The following KIF26B variants were observed in gnomAD, a reference collection of about 807,000 sequenced individuals.
The protein encoded by KIF26B is kinesin family member 26B.
Under a neutral mutation model 151.2 loss-of-function variants are expected in KIF26B, and 63 were observed. That is an observed-to-expected ratio of 0.42 (90% confidence interval 0.34 to 0.51). The LOEUF (loss-of-function observed/expected upper bound fraction) is 0.51, where lower values mean the gene tolerates loss of function less well. Ranked by LOEUF, KIF26B falls within the 20% of genes least tolerant of loss-of-function variation. KIF26B has a pLI of 0.07. For synonymous variants in KIF26B, 1,357 were observed against 1,262.1 expected, an observed-to-expected ratio of 1.08 and a Z score of -1.59; for missense variants, 2,813 against 2,913.6, an observed-to-expected ratio of 0.97 and a Z score of 0.79.
At chr1:245,344,370 T>C (rs897728569) in intron 2 of KIF26B, among the ~76,000 whole-genome samples, 3 of 151,700 alleles carry the variant, frequency 2.0e-5, no homozygotes, top group African/African-American at 7.3e-5. Context: ...ATGTATCCTC[T>C]AGTAGTCCCA....
intron 2 of KIF26B, among the ~76,000 whole-genome samples, chr1:245,289,367 T>G (rs1225039510): frequency 2.0e-5 from 3 of 152,202 alleles, no homozygotes; most frequent in Admixed American, 6.5e-5. Flanking sequence ...ATTATTATTA[T>G]TGTGATTTTC....
chr1:245,430,745 C>A (rs1210765757), intron 4 of KIF26B, among the ~76,000 whole-genome samples: 1 of 152,132 alleles, frequency 6.6e-6, no homozygotes, highest in Admixed American at 6.6e-5. Context: ...GTTCTTGACA[C>A]ACATTTAATC....
chr1:245,259,672 C>CT (rs901298506), intron 2 of KIF26B, among the ~76,000 whole-genome samples: 22 of 152,206 alleles, frequency 1.4e-4, no homozygotes, highest in African/African-American at 4.8e-4. Context: ...TGGCTCATGC[C>CT]TGCAGTCCCA....
At position 245,229,427 on chromosome 1, in the gene KIF26B, T is replaced by C. The variant is rs78308124; in HGVS notation, c.465+72744T>C. On this transcript the variant is annotated intron_variant, in intron 2 of 14. Coordinates refer to ENST00000407071, the MANE Select transcript of KIF26B (RefSeq NM_018012.4). The stretch of plus-strand genomic sequence containing the variant: ...GGGTACCATTTCTAAAAGAGGTACA[T>C]TGTAGTTCAAACTCCTGCAGGTAAG... Among the ~76,000 whole-genome samples the C allele has an allele frequency of 4.1e-3, 627 of 152,322 alleles. 19 individuals carry two copies. The East Asian group carries it at 0.091, about 22-fold the overall frequency.
chr1:245,549,309 C>T (rs1159004049), intron 5 of KIF26B, among the ~76,000 whole-genome samples: 1 of 152,162 alleles, frequency 6.6e-6, no homozygotes, highest in Admixed American at 6.5e-5. Context: ...AGGGAATTCT[C>T]TCTGGAATAA....
At chr1:245,654,875 G>C (rs2044056453) in intron 10 of KIF26B, among the ~76,000 whole-genome samples, 1 of 152,250 alleles carries the variant, frequency 6.6e-6, no homozygotes. Flanking sequence ...AGAAAGGTAA[G>C]GAAGAGATAA....
intron 12 of KIF26B, among the ~76,000 whole-genome samples, chr1:245,696,700 A>T (rs937370921): frequency 6.6e-6 from 1 of 152,166 alleles, no homozygotes; most frequent in Non-Finnish European, 1.5e-5. Context: ...GGAGACAGAC[A>T]TTTGCTTTAT....
chr1:245,434,104 A>G (rs924289414), intron 4 of KIF26B, among the ~76,000 whole-genome samples: 17 of 152,144 alleles, frequency 1.1e-4, no homozygotes, highest in Admixed American at 7.9e-4. Flanking sequence ...ATTTATTATC[A>G]TAGTCATCTC....
chr1:245,267,448 C>T (rs538803815), intron 2 of KIF26B, among the ~76,000 whole-genome samples: 100 of 152,288 alleles, frequency 6.6e-4, no homozygotes, highest in African/African-American at 2.4e-3. Flanking sequence ...TGTGAGTGCC[C>T]TTTCTCAGTG....
intron 10 of KIF26B, among the ~76,000 whole-genome samples, chr1:245,651,416 G>A (rs1190445282): frequency 6.6e-6 from 1 of 152,210 alleles, no homozygotes; most frequent in African/African-American, 2.4e-5. Flanking sequence ...ACTTCAGGAC[G>A]AGCCTCTGAA....
At position 245,374,059 on chromosome 1, in the gene KIF26B, CAAAAAAAAA is replaced by C. The variant is rs1172397969; in HGVS notation, c.999+6720_999+6728del. Among the ~76,000 whole-genome samples the C allele has an allele frequency of 1.8e-3, 32 of 17,484 alleles. 4 individuals carry two copies. Among genetic ancestry groups the C allele is most frequent in the East Asian group, 5.0e-3 (2 of 402 alleles). The allele number at this position is 17,484 out of a possible 152,430, so 11.5% of individuals were successfully genotyped here. Reference sequence around the variant, plus strand: ...GTGACAGAGACCCGAGAACCTATCTCAAAAAAAAAAAAAAAAAAAAAAAAAAAAAAAAAA... The same window carrying C: ...GTGACAGAGACCCGAGAACCTATCTCAAAAAAAAAAAAAAAAAAAAAAAAA... On this transcript the variant is annotated intron_variant, in intron 3 of 14. Transcript: ENST00000407071.
intron 4 of KIF26B, among the ~76,000 whole-genome samples, chr1:245,465,200 C>G (rs1030562424): frequency 1.8e-4 from 28 of 152,186 alleles, no homozygotes; most frequent in East Asian, 1.7e-3. Context: ...GGATGGTCTC[C>G]ATCTCCTGAC....
rs1247092007 is a variant in KIF26B at position 245,703,271 on chromosome 1, TCAAA to T, written c.*668_*671del. On this transcript the variant is annotated 3_prime_UTR_variant, in exon 15 of 15. Transcript: ENST00000407071. The stretch of plus-strand genomic sequence containing the variant: ...TTTATGGTTATTCTGGTGAGGCCAC[TCAAA>T]CAGAGAGACTTCCCTCGGCACGAGC... 4 of 152,436 alleles carry T rather than the reference TCAAA, an allele frequency of 2.6e-5. No individual in the cohort carries two copies. The highest frequency in any genetic ancestry group is 6.5e-5 in the Admixed American group (1 of 15,274). The allele number at this position is 152,436 out of a possible 1,614,324, so 9.4% of individuals were successfully genotyped here.
chr1:245,487,022 A>G (rs984866929), intron 4 of KIF26B, among the ~76,000 whole-genome samples: 7 of 152,102 alleles, frequency 4.6e-5, no homozygotes, highest in African/African-American at 1.7e-4. Flanking sequence ...GTTTGTCACA[A>G]GGGGTGGCTC....
chr1:245,646,129 G>A lies in KIF26B; in HGVS notation c.2107G>A (p.Gly703Ser). ...EKSGKGGMSG[G>S]RSRLHLIDLG... Reference sequence around the variant, plus strand: ...CTTCTCCCCTGTGGTAGTGTCTGGAGGTCGCAGCCGCCTGCATCTCATTGA... The same window carrying A: ...CTTCTCCCCTGTGGTAGTGTCTGGAAGTCGCAGCCGCCTGCATCTCATTGA... The change falls in exon 10 of 15, where the codon GGT becomes AGT. Residue 703 changes from glycine (G) to serine (S), a missense_variant. This residue lies in a region of KIF26B where 2,060 missense variants were observed against 2,088.6 expected (regional missense o/e 0.99). Transcript: ENST00000407071. 1 of 1,613,938 alleles carries A rather than the reference G, an allele frequency of 6.2e-7. No homozygotes were observed. The highest frequency in any genetic ancestry group is 1.1e-5 in the South Asian group (1 of 91,076).
chr1:245,289,614 CT>C, intron 2 of KIF26B, among the ~76,000 whole-genome samples: 1 of 152,200 alleles, frequency 6.6e-6, no homozygotes, highest in East Asian at 1.9e-4. Context: ...ATCAGAGCCT[CT>C]GGATTTTCCT....
chr1:245,203,255 A>AAAAAAAAGG (rs61541280), intron 2 of KIF26B, among the ~76,000 whole-genome samples: 1 of 129,746 alleles, frequency 7.7e-6, no homozygotes, highest in Non-Finnish European at 1.6e-5. Context: ...TCAAAAAAAA[A>AAAAAAAAGG]AAAAGAAAAT....
chr1:245,647,424 CAAAAAAAAAAAAAA>C (rs372008159), intron 10 of KIF26B, among the ~76,000 whole-genome samples: 1 of 96,536 alleles, frequency 1.0e-5, no homozygotes, highest in Admixed American at 1.3e-4. Flanking sequence ...GACTCCTTCT[CAAAAAAAAAAAAAA>C]AAAAAGAAAA....
chr1:245,451,394 T>C (rs1659385800), intron 4 of KIF26B, among the ~76,000 whole-genome samples: 2 of 151,990 alleles, frequency 1.3e-5, no homozygotes, highest in South Asian at 4.1e-4. Context: ...ACAGCCTCTT[T>C]GTTTTATTAC....
Sources: allele counts gnomAD v4.1 joint callset (sites outside exome capture counted in the v4.1 genomes callset), GRCh38; gene constraint gnomAD v4.1.1; regional missense constraint gnomAD v4.1.1; transcripts MANE v1.5; gene names NCBI Gene and HGNC (gene_info 2026-07-23, HGNC 2026-07-21).